The following CENPT variants were observed in gnomAD, a reference collection of about 807,000 sequenced individuals.
CENPT encodes the protein centromere protein T.
Under a neutral mutation model 59.7 loss-of-function variants are expected in CENPT, and 42 were observed. That is an observed-to-expected ratio of 0.70 (90% confidence interval 0.55 to 0.91). CENPT has a LOEUF of 0.91. CENPT is among the 40% of genes least tolerant of loss of function. The probability of loss-of-function intolerance (pLI) is 0.00; values close to 1 mark genes in which losing one functional copy is unlikely to be tolerated. For missense variants in CENPT, 716 were observed against 713.4 expected (o/e 1.00, Z -0.04); for synonymous variants, 295 against 289.6 (o/e 1.02, Z -0.19).
intron 1 of CENPT, among the ~76,000 whole-genome samples, chr16:67,836,598 C>A (rs1022714254): frequency 6.6e-6 from 1 of 151,496 alleles, no homozygotes; most frequent in African/African-American, 2.4e-5. Context: ...CCGCCAAGCC[C>A]GGCTAATTTT....
rs551290652 is a variant in CENPT at position 67,830,101 on chromosome 16, G to A, written c.863-13C>T. ...GGTTTCCCAGGGCCTGAGTGAAGGG[G>A]AGAGAATACAGGCCGGAGACGCAGC... On this transcript the variant is annotated splice_polypyrimidine_tract_variant and intron_variant, in intron 11 of 15. Transcript: ENST00000562787. 7 of 1,612,900 alleles carry A rather than the reference G, an allele frequency of 4.3e-6. No individual in the cohort carries two copies. Among genetic ancestry groups the A allele is most frequent in the South Asian group, 2.2e-5 (2 of 91,046 alleles).
At position 67,832,216 on chromosome 16, in the gene CENPT, G is replaced by A. The variant is rs1325611667; in HGVS notation, c.289+12C>T. 4 of 1,613,882 alleles carry A rather than the reference G, an allele frequency of 2.5e-6. No homozygotes were observed. Among genetic ancestry groups the A allele is most frequent in the East Asian group, 2.2e-5 (1 of 44,876 alleles). On this transcript the variant is annotated intron_variant, in intron 6 of 15. Transcript: ENST00000562787. ...GTACCTAACTCTGACCGGCAGGCCA[G>A]CGCTCACTTACCAGTTAGTAGGATG...
rs2057775946 is a variant in CENPT at position 67,843,032 on chromosome 16, C to G, written c.-492+4369G>C. The G allele has an allele frequency of 6.2e-7, 1 of 1,612,544 alleles. No individual in the cohort carries two copies. The highest frequency in any genetic ancestry group is 2.2e-5 in the East Asian group (1 of 44,890). ...TGCTTCCGCGGCCGTGCTTCTCACCCTTCAGGCCACTGTAGACAGCAGTCA... is the reference window on the plus strand; with the variant it reads ...TGCTTCCGCGGCCGTGCTTCTCACCGTTCAGGCCACTGTAGACAGCAGTCA... On this transcript the variant is annotated intron_variant, in intron 1 of 15. Coordinates refer to ENST00000562787, the MANE Select transcript of CENPT (RefSeq NM_025082.4). The surrounding 1 kb of genome is among the most constrained non-coding windows in gnomAD (Gnocchi z 5.7).
At position 67,833,851 on chromosome 16, in the gene CENPT, G is replaced by T; in HGVS notation, c.9C>A (p.Asp3Glu). The change falls in exon 4 of 16, where the codon GAC becomes GAA. Residue 3 changes from aspartate to glutamate, a missense_variant. By Grantham distance (45) the Asp-to-Glu change is conservative (BLOSUM62 2). Coordinates refer to ENST00000562787, the MANE Select transcript of CENPT (RefSeq NM_025082.4). The stretch of plus-strand genomic sequence containing the variant: ...GCGTGGAGTCGCTGTCAGGGTTGTG[G>T]TCAGCCATCGTCTCGGCCCCGGGCC... MA[D>E]HNPDSDSTPR... 6.5e-7 allele frequency: 1 copy of T among 1,545,104 alleles called. No homozygotes were observed. The highest frequency in any genetic ancestry group is 1.4e-5 in the African/African-American group (1 of 71,200).
intron 1 of CENPT, among the ~76,000 whole-genome samples, chr16:67,845,972 C>T (rs1366755095): frequency 6.6e-6 from 1 of 152,196 alleles, no homozygotes; most frequent in Non-Finnish European, 1.5e-5. Flanking sequence ...GGAAGGAAGG[C>T]TAGGAGTTGC....
At chr16:67,829,691 C>A in intron 12 of CENPT, 74 bp downstream of exon 12, 1 of 1,510,140 alleles carries the variant, frequency 6.6e-7, no homozygotes, top group Non-Finnish European at 9.1e-7. Flanking sequence ...GAAACACAAC[C>A]CAGACAAGGC....
At position 67,842,166 on chromosome 16, in the gene CENPT, G is replaced by A. The variant is rs2057765825; in HGVS notation, c.-492+5235C>T. ...CTCTCTCGCCCGCCGGGGACAAGAC[G>A]GGCTGGGGAAAGAATCTGCTCTTCG... On this transcript the variant is annotated intron_variant, in intron 1 of 15. Transcript: ENST00000562787. The surrounding 1 kb of genome is among the most constrained non-coding windows in gnomAD (Gnocchi z 4.9). 6.6e-6 allele frequency: 1 copy of A among 152,480 alleles called. No homozygotes were observed. The highest frequency in any genetic ancestry group is 2.4e-5 in the African/African-American group (1 of 41,484). 9.4% of individuals were successfully genotyped at this position (152,480 alleles called of 1,614,324 possible). A position where few individuals can be genotyped will look rare whatever the true frequency, so the allele number is the denominator to read the frequency against.
intron 9 of CENPT, 43 bp from the exon 10 acceptor site, chr16:67,831,401 A>C: frequency 1.9e-6 from 3 of 1,601,484 alleles, no homozygotes; most frequent in Non-Finnish European, 2.6e-6. Context: ...GGTACCTGAG[A>C]CCCAGTTTGC....
chr16:67,837,735 G>A (rs182883804), intron 1 of CENPT, among the ~76,000 whole-genome samples: 1 of 151,930 alleles, frequency 6.6e-6, no homozygotes, highest in Admixed American at 6.6e-5. Context: ...CAAACAATGA[G>A]CTTCATTCTT....
chr16:67,835,839 G>GTT, intron 1 of CENPT, among the ~76,000 whole-genome samples, 181 bp from the exon 2 acceptor site: 1 of 149,470 alleles, frequency 6.7e-6, no homozygotes, highest in Non-Finnish European at 1.5e-5. Context: ...TTTTTTTTTT[G>GTT]TTTTTGTTTT....
Position 67,830,069 on chromosome 16 carries a change from C to G in CENPT, c.882G>C (p.Gln294His). The G allele has an allele frequency of 6.2e-7, 1 of 1,614,210 alleles. No individual in the cohort carries two copies. The highest frequency in any genetic ancestry group is 8.5e-7 in the Non-Finnish European group (1 of 1,180,034). ...LQKNSPGKPA[Q>H]FLAGEAEEVN... ...CCTCCTCTGCCTCTCCTGCCAGAAA[C>G]TGGGCTGGTTTCCCAGGGCCTGAGT... The change falls in exon 12 of 16, where the codon CAG becomes CAC. Residue 294 changes from glutamine (Q) to histidine (H), a missense_variant. Coordinates refer to ENST00000562787, the MANE Select transcript of CENPT (RefSeq NM_025082.4).
chr16:67,834,083 A>C lies in CENPT; in HGVS notation c.-224T>G, dbSNP rs2057720120. On this transcript the variant is annotated 5_prime_UTR_variant, in exon 4 of 16. Transcript: ENST00000562787. The stretch of plus-strand genomic sequence containing the variant: ...TCGGTTAATGTAATGCAAGCAGCCC[A>C]AGTCTTGGCTTCTTCATCTGTAAAT... 2 of 451,996 alleles carry C rather than the reference A, an allele frequency of 4.4e-6. No individual in the cohort carries two copies. The highest frequency in any genetic ancestry group is 7.2e-5 in the East Asian group (2 of 27,876). 28.0% of individuals were successfully genotyped at this position (451,996 alleles called of 1,614,324 possible).
In CENPT at chr16:67,833,826, G is replaced by T; in HGVS notation, c.34C>A (p.Pro12Thr). 1.3e-6 allele frequency: 2 copies of T among 1,573,464 alleles called. No individual in the cohort carries two copies. The highest frequency in any genetic ancestry group is 1.7e-6 in the Non-Finnish European group (2 of 1,162,250). Residue 12 changes from proline to threonine, a missense_variant, in exon 4 of 16, where the codon CCG becomes ACG. Pro to Thr is a conservative substitution (Grantham distance 38). Transcript: ENST00000562787. ...AGCACGCGTCGCAGCAGCGTGCGCG[G>T]CGTGGAGTCGCTGTCAGGGTTGTGG... is the stretch of plus-strand genomic sequence containing the variant. The part of the protein sequence containing the change: ...ADHNPDSDST[P>T]RTLLRRVLDT...
rs2057777099 is a variant in CENPT, at chr16:67,843,166, T to C, written c.-492+4235A>G. On this transcript the variant is annotated intron_variant, in intron 1 of 15. Coordinates refer to ENST00000562787, the MANE Select transcript of CENPT (RefSeq NM_025082.4). This position sits in a 1 kb window ranked among gnomAD's most constrained non-coding sequence, Gnocchi z 5.7. ...TTGCAGCCGCAGAGGGCGCAGCCGCTGCGGCCGCCGCGTCGGAGTTACAGG... is the reference window on the plus strand; with the variant it reads ...TTGCAGCCGCAGAGGGCGCAGCCGCCGCGGCCGCCGCGTCGGAGTTACAGG... 6.2e-7 allele frequency: 1 copy of C among 1,609,542 alleles called. No homozygotes were observed. Among genetic ancestry groups the C allele is most frequent in the East Asian group, 2.2e-5 (1 of 44,870 alleles).
chr16:67,829,875 T>C lies in CENPT; in HGVS notation c.1076A>G (p.Glu359Gly). 1 of 1,614,220 alleles carries C rather than the reference T, an allele frequency of 6.2e-7. No homozygotes were observed. The highest frequency in any genetic ancestry group is 8.5e-7 in the Non-Finnish European group (1 of 1,180,026). Residue 359 changes from glutamate (E) to glycine (G), a missense_variant, in exon 12 of 16, where the codon GAA becomes GGA. Glu to Gly is a moderately conservative substitution (Grantham distance 98). Coordinates refer to ENST00000562787, the MANE Select transcript of CENPT (RefSeq NM_025082.4). The part of the protein sequence containing the change: ...ATGAQGPSRV[E>G]EAEGHTEVTE... ...CACCTCTGTGTGTCCCTCAGCCTCT[T>C]CTACCCTGCTGGGTCCTTGTGCTCC...
At chr16:67,841,521 TCC>T in intron 1 of CENPT, 1 of 148,412 alleles carries the variant, frequency 6.7e-6, no homozygotes, top group East Asian at 2.0e-4. Flanking sequence ...CCCCACCACC[TCC>T]CCCCCATTTC....
In CENPT at chr16:67,837,719, A is replaced by G. The variant is rs540808118; in HGVS notation, c.-491-2061T>C. Among the ~76,000 whole-genome samples the G allele has an allele frequency of 1.2e-4, 18 of 152,216 alleles. 1 individual carries two copies. Among genetic ancestry groups the G allele is most frequent in the Middle Eastern group, 6.8e-3 (2 of 294 alleles). ...CGTCTCAAAAACAAACAAACAAACA[A>G]ACAAACAAACAATGAGCTTCATTCT... On this transcript the variant is annotated intron_variant, in intron 1 of 15. Coordinates refer to ENST00000562787, the MANE Select transcript of CENPT (RefSeq NM_025082.4).
chr16:67,834,139 G>A, intron 3 of CENPT, 39 bp from the exon 4 acceptor site: 1 of 367,604 alleles, frequency 2.7e-6, no homozygotes, highest in East Asian at 4.2e-5. Flanking sequence ...TAAGGAGCTT[G>A]TAATGATTCA....
chr16:67,834,966 C>T (rs1471447232), intron 3 of CENPT, among the ~76,000 whole-genome samples: 2 of 152,112 alleles, frequency 1.3e-5, no homozygotes, highest in African/African-American at 4.8e-5. Flanking sequence ...CTCAGCCTCC[C>T]GAGTAGCTGG....
Sources: allele counts gnomAD v4.1 joint callset (sites outside exome capture counted in the v4.1 genomes callset), GRCh38; gene constraint gnomAD v4.1.1; non-coding constraint Gnocchi (gnomAD v3.1); transcripts MANE v1.5; gene names NCBI Gene and HGNC (gene_info 2026-07-23, HGNC 2026-07-21).